The following ELFN2 variants were observed in gnomAD, a reference collection of about 807,000 sequenced individuals.
ELFN2 encodes the protein extracellular leucine rich repeat and fibronectin type III domain containing 2, also known as protein phosphatase 1 regulatory subunit 29.
ELFN2 carries 17 observed loss-of-function variants against 45.5 expected under a neutral mutation model. That is an observed-to-expected ratio of 0.37 (90% CI 0.26 to 0.56). The LOEUF (loss-of-function observed/expected upper bound fraction) is 0.56. ELFN2 is among the 20% of genes least tolerant of loss of function. The pLI is 0.77. For synonymous variants in ELFN2, 550 were observed against 551.5 expected, an observed-to-expected ratio of 1.00 and a Z score of 0.04; for missense variants, 922 against 1,183.2, an observed-to-expected ratio of 0.78 and a Z score of 3.24.
intron 2 of ELFN2, among the ~76,000 whole-genome samples, chr22:37,385,505 G>C (rs1041468154): frequency 3.3e-5 from 5 of 152,200 alleles, no homozygotes; most frequent in African/African-American, 1.2e-4. Context: ...GGAAGATCTG[G>C]CTTCCCTGGG....
In ELFN2 at chr22:37,372,780, A is replaced by G. The variant is rs1931408555; in HGVS notation, c.*292T>C. The G allele has an allele frequency of 5.5e-6, 1 of 181,578 alleles. No homozygotes were observed. The highest frequency in any genetic ancestry group is 1.1e-5 in the Non-Finnish European group (1 of 94,536). The allele number at this position is 181,578 out of a possible 1,614,324, so 11.2% of individuals were successfully genotyped here. On this transcript the variant is annotated 3_prime_UTR_variant, in exon 3 of 3. Transcript: ENST00000402918. The surrounding 1 kb of genome is among the most constrained non-coding windows in gnomAD (Gnocchi z 4.4). The stretch of plus-strand genomic sequence containing the variant: ...CCCCCCGCCAGCCCCCCGGCCCTGC[A>G]CACCCCAGCAGAGTCCCTGGGCAGC...
At chr22:37,399,444 C>T (rs547010041) in intron 2 of ELFN2, among the ~76,000 whole-genome samples, 9 of 152,268 alleles carry the variant, frequency 5.9e-5, no homozygotes, top group Admixed American at 1.3e-4. Flanking sequence ...TGCCTGGAGG[C>T]ACAGCAAGCA....
chr22:37,348,885 G>A (rs2145611414), intron 1 of ELFN2, among the ~76,000 whole-genome samples: 1 of 150,894 alleles, frequency 6.6e-6, no homozygotes, highest in African/African-American at 2.4e-5. Context: ...TGGCATCATG[G>A]GAGGCTTCCT....
chr22:37,379,846 C>T (rs975510796), intron 2 of ELFN2, among the ~76,000 whole-genome samples: 7 of 152,074 alleles, frequency 4.6e-5, no homozygotes, highest in Admixed American at 1.3e-4. Context: ...GTGCCCTTTC[C>T]GCCCGGGTGC....
In ELFN2 at chr22:37,392,413, A is replaced by C. The variant is rs368450631; in HGVS notation, c.-462-16417T>G. On this transcript the variant is annotated intron_variant, in intron 2 of 2. Coordinates refer to ENST00000402918, the MANE Select transcript of ELFN2 (RefSeq NM_052906.5). The stretch of plus-strand genomic sequence containing the variant: ...GCTCGCTGCAACCTCCGCCTCCCAG[A>C]TTCAAGCAATTCTCCTGCCTCAGCC... Among the ~76,000 whole-genome samples the C allele has an allele frequency of 2.0e-4, 30 of 150,018 alleles. 1 individual carries two copies. The highest frequency in any genetic ancestry group is 6.8e-3 in the Middle Eastern group (2 of 292).
At chr22:37,406,469 G>A (rs1254877075) in intron 2 of ELFN2, among the ~76,000 whole-genome samples, 2 of 152,162 alleles carry the variant, frequency 1.3e-5, no homozygotes, top group South Asian at 2.1e-4. Flanking sequence ...AGGGCAGAGA[G>A]CAAAGGGACC....
rs183526858 is a variant in ELFN2, at chr22:37,406,326, C to T, written c.-463+11443G>A. Reference sequence around the variant, plus strand: ...GGATATGAAGACCTGGACACGGGGACGAATGACTGCATACAAGCACTCACA... The same window carrying T: ...GGATATGAAGACCTGGACACGGGGATGAATGACTGCATACAAGCACTCACA... On this transcript the variant is annotated intron_variant, in intron 2 of 2. Coordinates refer to ENST00000402918, the MANE Select transcript of ELFN2 (RefSeq NM_052906.5). Among the ~76,000 whole-genome samples the T allele has an allele frequency of 6.4e-4, 98 of 152,272 alleles. 1 individual carries two copies. The South Asian group carries it at 8.5e-3, about 13-fold the overall frequency.
intron 1 of ELFN2, among the ~76,000 whole-genome samples, chr22:37,346,495 G>A (rs939453395): frequency 3.3e-5 from 5 of 150,868 alleles, no homozygotes; most frequent in East Asian, 2.0e-4. Flanking sequence ...CCTTGAAACC[G>A]CTTCTGCAAA....
chr22:37,358,070 A>G (rs949211753), intron 1 of ELFN2, among the ~76,000 whole-genome samples: 1 of 151,700 alleles, frequency 6.6e-6, no homozygotes, highest in African/African-American at 2.4e-5. Context: ...TGGCGGGTCA[A>G]CCTCCCTCCT....
chr22:37,373,383 C>T lies in ELFN2; in HGVS notation c.2152G>A (p.Glu718Lys), dbSNP rs368881782. The T allele has an allele frequency of 2.5e-6, 4 of 1,610,204 alleles. No homozygotes were observed. The highest frequency in any genetic ancestry group is 3.4e-6 in the Non-Finnish European group (4 of 1,178,838). The change falls in exon 3 of 3, where the codon GAG becomes AAG. Residue 718 changes from glutamate (E) to lysine (K), a missense_variant. By Grantham distance (56) the Glu-to-Lys change is moderately conservative. Transcript: ENST00000402918. ...HRHSFPALYY[E>K]EGADSLSQRV... Reference sequence around the variant, plus strand: ...TGGCTCAGGCTGTCGGCACCCTCCTCGTAGTACAGGGCGGGAAAGCTGTGC... The same window carrying T: ...TGGCTCAGGCTGTCGGCACCCTCCTTGTAGTACAGGGCGGGAAAGCTGTGC...
intron 2 of ELFN2, among the ~76,000 whole-genome samples, chr22:37,390,084 C>T (rs1932052012): frequency 6.6e-6 from 1 of 152,204 alleles, no homozygotes; most frequent in African/African-American, 2.4e-5. Flanking sequence ...CTGCATGGCT[C>T]TGGTAAGTCA....
At chr22:37,351,577 C>T (rs564261910) in intron 1 of ELFN2, among the ~76,000 whole-genome samples, 1 of 146,026 alleles carries the variant, frequency 6.8e-6, no homozygotes, top group African/African-American at 2.7e-5. Flanking sequence ...CATGCTCCAG[C>T]GTCCCCCCCA....
rs1278397255 is a variant in ELFN2 at position 37,375,226 on chromosome 22, C to T, written c.309G>A (p.Ser103=). ...YIEDGAFLGQ[S]SLQVLQLGYN... is the part of the protein sequence containing the mutation. ...AGCCCAGCTGCAGGACCTGCAGGCT[C>T]GACTGGCCCAGGAAGGCACCGTCCT... The change falls in exon 3 of 3, where the codon TCG becomes TCA. Residue 103 remains serine (S), a synonymous_variant. Transcript: ENST00000402918. The T allele has an allele frequency of 2.5e-6, 4 of 1,614,040 alleles. No individual in the cohort carries two copies. The highest frequency in any genetic ancestry group is 1.7e-5 in the Admixed American group (1 of 60,012).
intron 1 of ELFN2, chr22:37,354,565 A>T (rs1477334019): frequency 6.6e-6 from 1 of 152,104 alleles, no homozygotes; most frequent in Non-Finnish European, 1.5e-5. Flanking sequence ...ACACAACCCC[A>T]TCCGCAGTAA....
chr22:37,394,686 G>A (rs563641473), intron 2 of ELFN2, among the ~76,000 whole-genome samples: 36 of 152,328 alleles, frequency 2.4e-4, no homozygotes, highest in East Asian at 3.9e-4. Context: ...CCTACGGGCC[G>A]TGGTGACTGT....
intron 1 of ELFN2, among the ~76,000 whole-genome samples, chr22:37,423,277 C>A (rs1160497496): frequency 6.6e-6 from 1 of 152,180 alleles, no homozygotes; most frequent in Non-Finnish European, 1.5e-5. Context: ...CCCCTCCTTT[C>A]CTGTCTCTCC....
chr22:37,353,495 C>T (rs1368074314), intron 1 of ELFN2: 1 of 150,668 alleles, frequency 6.6e-6, no homozygotes, highest in Admixed American at 6.6e-5. Context: ...GCGTTGTAAG[C>T]GAAGGAAAAG....
chr22:37,373,717 G>A lies in ELFN2; in HGVS notation c.1818C>T (p.Tyr606=). 6.4e-7 allele frequency: 1 copy of A among 1,553,900 alleles called. No individual in the cohort carries two copies. Among genetic ancestry groups the A allele is most frequent in the Non-Finnish European group, 8.6e-7 (1 of 1,157,298 alleles). The change falls in exon 3 of 3, where the codon TAC becomes TAT. Residue 606 remains tyrosine, a synonymous_variant. Transcript: ENST00000402918. ...LERPSFLSPP[Y]KESSHHPLQR... ...GTAGTGGGTGGTGGGAGCTCTCCTT[G>A]TAGGGAGGCGAAAGGAAGCTGGGCC...
chr22:37,426,061 A>T (rs1335899753), intron 1 of ELFN2, among the ~76,000 whole-genome samples: 1 of 151,968 alleles, frequency 6.6e-6, no homozygotes, highest in African/African-American at 2.4e-5. Context: ...TGATAGCGAC[A>T]GCCGCAGCCC....
Sources: allele counts gnomAD v4.1 joint callset (sites outside exome capture counted in the v4.1 genomes callset), GRCh38; gene constraint gnomAD v4.1.1; non-coding constraint Gnocchi (gnomAD v3.1); transcripts MANE v1.5; gene names NCBI Gene and HGNC (gene_info 2026-07-23, HGNC 2026-07-21).